Variants in NHS observed in about 807,000 individuals in gnomAD.
The protein encoded by NHS is NHS actin remodeling regulator, also known as actin remodeling regulator NHS.
A neutral mutation model predicts 72.5 loss-of-function variants in NHS; 5 were observed. The observed-to-expected ratio is 0.07, with a 90% CI of 0.04 to 0.14. The LOEUF is 0.14. Among genes scored for constraint, NHS ranks in the 10% least tolerant of loss-of-function variants. The pLI, the probability that NHS is intolerant of heterozygous loss-of-function variation, is 1.00. For missense variants in NHS, 1,072 were observed against 1,355.7 expected, an observed-to-expected ratio of 0.79 and a Z score of 3.29; for synonymous variants, 464 against 547.7, an observed-to-expected ratio of 0.85 and a Z score of 2.13.
chrX:17,490,500 C>T (rs747895631), intron 1 of NHS, among the ~76,000 whole-genome samples: 1 of 110,900 alleles, frequency 9.0e-6, no homozygotes, highest in Non-Finnish European at 1.9e-5. Context: ...GTTTTGGTAC[C>T]AGTAGCATGC....
intron 1 of NHS, among the ~76,000 whole-genome samples, chrX:17,471,588 A>G (rs940710006): frequency 8.9e-6 from 1 of 112,757 alleles, no homozygotes; most frequent in Non-Finnish European, 1.9e-5. Context: ...CTTTATAACA[A>G]ATGTCTTCTA....
intron 1 of NHS, among the ~76,000 whole-genome samples, chrX:17,572,201 G>A (rs1215866848): frequency 9.0e-6 from 1 of 111,360 alleles, no homozygotes; most frequent in East Asian, 2.8e-4. Flanking sequence ...GCAGAGCTGA[G>A]TTCAAGTCCT....
intron 1 of NHS, among the ~76,000 whole-genome samples, chrX:17,409,020 G>A (rs2064544068): frequency 9.0e-6 from 1 of 111,348 alleles, no homozygotes; most frequent in African/African-American, 3.3e-5. Flanking sequence ...TTCTGATAAA[G>A]ATGCTAATTC....
intron 1 of NHS, among the ~76,000 whole-genome samples, chrX:17,656,774 C>T (rs1289503254): frequency 8.9e-6 from 1 of 112,337 alleles, no homozygotes; most frequent in Non-Finnish European, 1.9e-5. Context: ...GGGGCTGCAG[C>T]GCCTGGTGTT....
At chrX:17,446,482 C>A (rs1288205291) in intron 1 of NHS, among the ~76,000 whole-genome samples, 1 of 109,518 alleles carries the variant, frequency 9.1e-6, no homozygotes, top group Non-Finnish European at 1.9e-5. Context: ...CAAAAGCTCC[C>A]CTACTGAGCA....
intron 1 of NHS, among the ~76,000 whole-genome samples, chrX:17,489,396 A>T (rs1199425661): frequency 3.6e-5 from 4 of 112,464 alleles, no homozygotes; most frequent in Non-Finnish European, 7.5e-5. Context: ...GAACTAATTT[A>T]CACTCCCACC....
chrX:17,614,406 C>G (rs1408260074), intron 1 of NHS, among the ~76,000 whole-genome samples: 1 of 106,039 alleles, frequency 9.4e-6, no homozygotes, highest in Non-Finnish European at 1.9e-5. Context: ...AGAAAGCTTG[C>G]TTTTGAAACC....
At chrX:17,380,756 T>C (rs1316658093) in intron 1 of NHS, among the ~76,000 whole-genome samples, 1 of 111,639 alleles carries the variant, frequency 9.0e-6, no homozygotes, top group Non-Finnish European at 1.9e-5. Flanking sequence ...GGTATTGATA[T>C]TTTAGGCATG....
intron 1 of NHS, among the ~76,000 whole-genome samples, chrX:17,476,042 G>T (rs367587808): frequency 2.0e-4 from 22 of 111,920 alleles, no homozygotes; most frequent in Admixed American, 4.7e-4. Flanking sequence ...GGAGGATGGG[G>T]GTGGGTGAGA....
At chrX:17,663,003 G>A (rs769191175) in intron 1 of NHS, among the ~76,000 whole-genome samples, 1 of 111,829 alleles carries the variant, frequency 8.9e-6, no homozygotes, top group African/African-American at 3.2e-5. Flanking sequence ...TTGGTATGAT[G>A]TTATATTTTG....
intron 3 of NHS, among the ~76,000 whole-genome samples, chrX:17,696,096 A>ATC (rs901125031): frequency 2.4e-4 from 27 of 111,911 alleles, no homozygotes; most frequent in Non-Finnish European, 4.3e-4. Context: ...TGCACATAGC[A>ATC]TCTCAACCTT....
chrX:17,706,597 C>T (rs2066297643), intron 3 of NHS, among the ~76,000 whole-genome samples: 1 of 111,517 alleles, frequency 9.0e-6, no homozygotes, highest in Admixed American at 9.5e-5. Flanking sequence ...GGATATATGA[C>T]TTCAGGTGAA....
At chrX:17,416,715 A>T (rs895632648) in intron 1 of NHS, among the ~76,000 whole-genome samples, 3 of 111,014 alleles carry the variant, frequency 2.7e-5, no homozygotes, top group Non-Finnish European at 5.7e-5. Flanking sequence ...GGCCCAGCAT[A>T]GCACCTGGCA....
chrX:17,560,944 C>T (rs2065409182), intron 1 of NHS, among the ~76,000 whole-genome samples: 1 of 112,697 alleles, frequency 8.9e-6, no homozygotes, highest in South Asian at 3.6e-4. Context: ...TGGTCTTCAA[C>T]ATCACAGTCT....
rs191061633 is a variant in NHS at position 17,439,105 on chromosome X, G to A, written c.565+62783G>A. ...TTGGTGCACATTGACAGAATGGGGA[G>A]AAAGATAGCAGGGGTGGGGGGTGGG... On this transcript the variant is annotated intron_variant, in intron 1 of 8. Coordinates refer to ENST00000676302, the MANE Select transcript of NHS (RefSeq NM_001291867.2). Among the ~76,000 whole-genome samples the A allele has an allele frequency of 1.8e-3, 138 of 77,100 alleles. 3 individuals are homozygous for A. Among genetic ancestry groups the A allele is most frequent in the African/African-American group, 6.8e-3 (131 of 19,260 alleles). The allele number at this position is 77,100 out of a possible 115,157, so 67.0% of individuals were successfully genotyped here. A position where few individuals can be genotyped will look rare whatever the true frequency, so the allele number is the denominator to read the frequency against.
chrX:17,389,617 T>TTTA (rs2064431039), intron 1 of NHS, among the ~76,000 whole-genome samples: 1 of 74,546 alleles, frequency 1.3e-5, no homozygotes, highest in Non-Finnish European at 2.2e-5. Flanking sequence ...TTATTTATTT[T>TTTA]TTGAGACAGA....
rs557960165 is a variant in NHS, at chrX:17,556,734, A to G, written c.566-131008A>G. ...AATCAGTTTAGATAATGATATAATA[A>G]TTACCATCAGTAGCATTATCATTGT... On this transcript the variant is annotated intron_variant, in intron 1 of 8. Transcript: ENST00000676302. 4.7e-4 allele frequency among the ~76,000 whole-genome samples: 53 copies of G among 112,095 alleles called. 1 individual carries two copies. In the South Asian group the frequency reaches 0.018, roughly 38 times the overall value.
rs756933722 is a variant in NHS at position 17,503,780 on chromosome X, AT to A, written c.565+127463del. On this transcript the variant is annotated intron_variant, in intron 1 of 8. Transcript: ENST00000676302. The stretch of plus-strand genomic sequence containing the variant: ...TAGGCCATAACACCTGGCTTTTATA[AT>A]TTTTGTCCTGATCCATGTGTTGAAA... Among the ~76,000 whole-genome samples the A allele has an allele frequency of 2.9e-3, 325 of 111,639 alleles. 1 individual carries two copies. The highest frequency in any genetic ancestry group is 0.01 in the African/African-American group (312 of 30,723).
intron 1 of NHS, among the ~76,000 whole-genome samples, chrX:17,662,440 T>A (rs2065987014): frequency 8.9e-6 from 1 of 111,981 alleles, no homozygotes; most frequent in South Asian, 3.7e-4. Flanking sequence ...TGTGCCTAAG[T>A]GCTCTCCCAC....
Sources: gnomAD v4.1 joint callset for allele counts (sites outside exome capture counted in the v4.1 genomes callset) on GRCh38, gnomAD v4.1.1 for gene constraint, MANE v1.5 for transcripts, NCBI Gene and HGNC (gene_info 2026-07-23, HGNC 2026-07-21) for gene names.